CELSR2: variants seen among roughly 807,000 people sequenced by gnomAD.
CELSR2 encodes EGF-like protein 2.
In CELSR2, 81 loss-of-function variants were observed where a neutral mutation model predicts 251.6. That is an observed-to-expected ratio of 0.32 (90% CI 0.27 to 0.39). The LOEUF is 0.39. Among genes scored for constraint, CELSR2 ranks in the 10% least tolerant of loss-of-function variants. The pLI is 1.00. For missense variants in CELSR2, 3,365 were observed against 3,947.7 expected (o/e 0.85, Z 3.96); for synonymous variants, 1,721 against 1,670.5 (o/e 1.03, Z -0.74).
chr1:109,274,438 T>C lies in CELSR2; in HGVS notation c.*389T>C. ...AAGAGGATAGGACCTCCCAGGATGC[T>C]TCCCAGCCTCTCCTCAGTTTCCCAT... On this transcript the variant is annotated 3_prime_UTR_variant, in exon 34 of 34. Transcript: ENST00000271332. 4.1e-6 allele frequency: 1 copy of C among 245,404 alleles called. No homozygotes were observed. The allele number at this position is 245,404 out of a possible 1,614,324, so 15.2% of individuals were successfully genotyped here. A position where few individuals can be genotyped will look rare whatever the true frequency, so the allele number is the denominator to read the frequency against.
chr1:109,272,206 C>T, intron 28 of CELSR2, 72 bp from the exon 29 acceptor site: 3 of 1,505,576 alleles, frequency 2.0e-6, no homozygotes, highest in Non-Finnish European at 2.7e-6. Flanking sequence ...AAGTTCCCTC[C>T]ACCCTCCTTC....
intron 2 of CELSR2, among the ~76,000 whole-genome samples, chr1:109,259,948 C>G (rs1206831492): frequency 6.6e-6 from 1 of 152,114 alleles, no homozygotes; most frequent in Non-Finnish European, 1.5e-5. Flanking sequence ...CTCCCCTTCC[C>G]TGTGGGCCTT....
rs755819249 is a variant in CELSR2 at position 109,252,473 on chromosome 1, C to T, written c.2394C>T (p.Thr798=). The change falls in exon 1 of 34, where the codon ACC becomes ACT. Residue 798 remains threonine (T), a synonymous_variant. Coordinates refer to ENST00000271332, the MANE Select transcript of CELSR2 (RefSeq NM_001408.3). The surrounding 1 kb of genome is among the most constrained non-coding windows in gnomAD (Gnocchi z 4.8). The part of the protein sequence containing the change: ...RDNGIPQKSD[T]TYLEILVNDV... ...ATGGCATTCCCCAGAAGTCCGACAC[C>T]ACCTACCTGGAGATCCTGGTGAACG... The T allele has an allele frequency of 1.9e-6, 3 of 1,613,744 alleles. No homozygotes were observed. Among genetic ancestry groups the T allele is most frequent in the Non-Finnish European group, 2.5e-6 (3 of 1,180,054 alleles).
At chr1:109,260,915 C>T in intron 2 of CELSR2, 127 bp from the exon 3 acceptor site, 1 of 666,034 alleles carries the variant, frequency 1.5e-6, no homozygotes, top group Non-Finnish European at 2.6e-6. Context: ...GTGGGGATGC[C>T]TGGGAGGTTT....
rs1570783324 is a variant in CELSR2, at chr1:109,261,457, T to G, written c.4182-56T>G. 2 of 1,532,474 alleles carry G rather than the reference T, an allele frequency of 1.3e-6. No homozygotes were observed. The highest frequency in any genetic ancestry group is 1.7e-5 in the Admixed American group (1 of 59,882). The allele number at this position is 1,532,474 out of a possible 1,614,324, so 94.9% of individuals were successfully genotyped here. On this transcript the variant is annotated intron_variant, in intron 3 of 33. Transcript: ENST00000271332. This position sits in a 1 kb window ranked among gnomAD's most constrained non-coding sequence, Gnocchi z 4.8. ...CCCTGCGCTGGTTAGGTGGCGGGGG[T>G]GCTGGCATCCAGGTGGGTACCCCAT...
chr1:109,250,195 C>A lies in CELSR2; in HGVS notation c.116C>A (p.Ser39Tyr). The change falls in exon 1 of 34, where the codon TCC becomes TAC. Residue 39 changes from serine (S) to tyrosine (Y), a missense_variant. Physicochemically the swap from Ser to Tyr is moderately radical, Grantham distance 144. Transcript: ENST00000271332. This position sits in a 1 kb window ranked among gnomAD's most constrained non-coding sequence, Gnocchi z 4.4. ...GGAGACCAAGTGGGGCCCTGTCGTT[C>A]CTTGGGGTCCAGGGGACGAGGCTCT... is the stretch of plus-strand genomic sequence containing the variant. ...LLGDQVGPCR[S>Y]LGSRGRGSSG... The A allele has an allele frequency of 6.3e-7, 1 of 1,599,958 alleles. No homozygotes were observed. Among genetic ancestry groups the A allele is most frequent in the Non-Finnish European group, 8.5e-7 (1 of 1,174,878 alleles).
chr1:109,261,824 G>A lies in CELSR2; in HGVS notation c.4314G>A (p.Thr1438=), dbSNP rs747064393. Residue 1438 remains threonine (T), a synonymous_variant, in exon 5 of 34, where the codon ACG becomes ACA. Coordinates refer to ENST00000271332, the MANE Select transcript of CELSR2 (RefSeq NM_001408.3). This position sits in a 1 kb window ranked among gnomAD's most constrained non-coding sequence, Gnocchi z 4.8. ...TTTCCCCAGGGGAGTCAACCACCAC[G>A]GTGTCCCCATTCGTGCCCGGAGGAG... ...LTFSAGESTT[T]VSPFVPGGVS... is the part of the protein sequence containing the mutation. The A allele has an allele frequency of 2.9e-5, 47 of 1,593,918 alleles. No individual in the cohort carries two copies. Among genetic ancestry groups the A allele is most frequent in the Non-Finnish European group, 3.8e-5 (44 of 1,168,794 alleles).
rs1471087570 is a variant in CELSR2, at chr1:109,275,255, TG to T, written c.*1208del. ...CGTGTCCAGTCCCGGGGGTCTGATA[TG>T]GCCATCACAGGCTGGGTGTTCCCAG... On this transcript the variant is annotated 3_prime_UTR_variant, in exon 34 of 34. Transcript: ENST00000271332. 3.9e-5 allele frequency: 6 copies of T among 152,284 alleles called. No homozygotes were observed. Among genetic ancestry groups the T allele is most frequent in the African/African-American group, 1.4e-4 (6 of 41,460 alleles). 9.4% of individuals were successfully genotyped at this position (152,284 alleles called of 1,614,324 possible). A position where few individuals can be genotyped will look rare whatever the true frequency, so the allele number is the denominator to read the frequency against.
rs761199373 is a variant in CELSR2 at position 109,250,616 on chromosome 1, C to A, written c.537C>A (p.Pro179=). The change falls in exon 1 of 34, where the codon CCC becomes CCA. Residue 179 remains proline, a synonymous_variant. Transcript: ENST00000271332. The surrounding 1 kb of genome is among the most constrained non-coding windows in gnomAD (Gnocchi z 4.4). The part of the protein sequence containing the change: ...GRRKRNVNTA[P]QFQPPSYQAT... ...GGAAAAGGAATGTAAATACAGCCCC[C>A]CAGTTCCAGCCCCCCAGCTACCAGG... 1.2e-6 allele frequency: 2 copies of A among 1,614,028 alleles called. No individual in the cohort carries two copies. Among genetic ancestry groups the A allele is most frequent in the Non-Finnish European group, 1.7e-6 (2 of 1,180,000 alleles).
At position 109,272,422 on chromosome 1, in the gene CELSR2, G is replaced by A; in HGVS notation, c.8054+17G>A. On this transcript the variant is annotated intron_variant, in intron 29 of 33. Transcript: ENST00000271332. ...CTTGCTGAGGTGAATCCCGGAGATGGGAGGGTGGAGGAGGGGAGGAGGGGC... is the reference window on the plus strand; with the variant it reads ...CTTGCTGAGGTGAATCCCGGAGATGAGAGGGTGGAGGAGGGGAGGAGGGGC... 2 of 1,596,460 alleles carry A rather than the reference G, an allele frequency of 1.3e-6. No individual in the cohort carries two copies. The highest frequency in any genetic ancestry group is 1.7e-6 in the Non-Finnish European group (2 of 1,168,816).
chr1:109,254,011 G>T (rs1329796470), intron 1 of CELSR2, among the ~76,000 whole-genome samples: 2 of 152,218 alleles, frequency 1.3e-5, no homozygotes, highest in African/African-American at 2.4e-5. Context: ...CCCCTTCAGA[G>T]CTCCCACAGG....
In CELSR2 at chr1:109,258,845, C is replaced by T. The variant is rs761377414; in HGVS notation, c.3724C>T (p.Arg1242Cys). 4.3e-6 allele frequency: 7 copies of T among 1,612,132 alleles called. No individual in the cohort carries two copies. The highest frequency in any genetic ancestry group is 3.3e-5 in the Admixed American group (2 of 59,810). ...CLREPCENYM[R>C]CVSVLRFDSS... is the part of the protein sequence containing the mutation. ...GCGGGAGCCCTGCGAGAACTACATG[C>T]GCTGCGTGTCGGTGCTGCGCTTCGA... The change falls in exon 2 of 34, where the codon CGC becomes TGC. Residue 1242 changes from arginine (R) to cysteine (C), a missense_variant. This residue lies in a region of CELSR2 where 2,093 missense variants were observed against 2,382.8 expected (regional missense o/e 0.88). Coordinates refer to ENST00000271332, the MANE Select transcript of CELSR2 (RefSeq NM_001408.3).
intron 5 of CELSR2, among the ~76,000 whole-genome samples, 190 bp downstream of exon 5, chr1:109,262,086 G>T (rs531370112): frequency 2.4e-4 from 37 of 152,350 alleles, no homozygotes; most frequent in African/African-American, 8.9e-4. Flanking sequence ...GATGCTCTCT[G>T]TTCCACTAGG....
rs752581225 is a variant in CELSR2 at position 109,264,213 on chromosome 1, G to A, written c.5137G>A (p.Gly1713Ser). ...GGCACTGGGAGCCAGCGGGGGGCCC[G>A]GCCATGCCATTCTGTCCTTCGATTA... ...QLALGASGGP[G>S]HAILSFDYGQ... Residue 1713 changes from glycine to serine, a missense_variant, in exon 10 of 34, where the codon GGC (glycine) becomes AGC (serine). Physicochemically the swap from Gly to Ser is moderately conservative, Grantham distance 56 (BLOSUM62 0). Coordinates refer to ENST00000271332, the MANE Select transcript of CELSR2 (RefSeq NM_001408.3). 9.9e-6 allele frequency: 16 copies of A among 1,613,488 alleles called. No individual in the cohort carries two copies. The South Asian group carries it at 1.1e-4, about 11-fold the overall frequency.
rs766210233 is a variant in CELSR2, at chr1:109,271,187, G to A, written c.7597-30G>A. ...TGGGTGGAAGCTGTTTGTCCCCACT[G>A]AGCACCCCATGCCCTCTGCCCCTGC... On this transcript the variant is annotated intron_variant, in intron 25 of 33. Transcript: ENST00000271332. 3 of 1,607,492 alleles carry A rather than the reference G, an allele frequency of 1.9e-6. No individual in the cohort carries two copies. The South Asian group carries it at 3.3e-5, about 18-fold the overall frequency.
chr1:109,275,449 A>G lies in CELSR2; in HGVS notation c.*1400A>G, dbSNP rs1320048710. ...GACTTTCCTTCTGGAGCAGGTGGCT[A>G]GAAAAAGAGGCTGTGGGCAGGAAAG... On this transcript the variant is annotated 3_prime_UTR_variant, in exon 34 of 34. Transcript: ENST00000271332. 6.6e-6 allele frequency: 1 copy of G among 152,270 alleles called. No individual in the cohort carries two copies. Among genetic ancestry groups the G allele is most frequent in the Non-Finnish European group, 1.5e-5 (1 of 68,054 alleles). 9.4% of individuals were successfully genotyped at this position (152,270 alleles called of 1,614,324 possible).
chr1:109,254,156 A>G (rs886308538), intron 1 of CELSR2, among the ~76,000 whole-genome samples: 3 of 152,192 alleles, frequency 2.0e-5, no homozygotes, highest in Non-Finnish European at 4.4e-5. Flanking sequence ...TTGCCACCTC[A>G]TGGGCTGTTC....
At position 109,274,361 on chromosome 1, in the gene CELSR2, C is replaced by T. The variant is rs1656469052; in HGVS notation, c.*312C>T. 2 of 484,458 alleles carry T rather than the reference C, an allele frequency of 4.1e-6. No individual in the cohort carries two copies. The highest frequency in any genetic ancestry group is 3.5e-5 in the East Asian group (1 of 28,454). The allele number at this position is 484,458 out of a possible 1,614,324, so 30.0% of individuals were successfully genotyped here. A position where few individuals can be genotyped will look rare whatever the true frequency, so the allele number is the denominator to read the frequency against. On this transcript the variant is annotated 3_prime_UTR_variant, in exon 34 of 34. Transcript: ENST00000271332. The stretch of plus-strand genomic sequence containing the variant: ...AAAGGATCTCCACTCTTCATGACTT[C>T]AGGGATTCATTTTTTTTATACGCTG...
At position 109,250,193 on chromosome 1, in the gene CELSR2, T is replaced by C; in HGVS notation, c.114T>C (p.Arg38=). ...TGGGAGACCAAGTGGGGCCCTGTCG[T>C]TCCTTGGGGTCCAGGGGACGAGGCT... is the stretch of plus-strand genomic sequence containing the variant. ...PLLGDQVGPC[R]SLGSRGRGSS... Residue 38 remains arginine (R), a synonymous_variant, in exon 1 of 34, where the codon CGT becomes CGC. Coordinates refer to ENST00000271332, the MANE Select transcript of CELSR2 (RefSeq NM_001408.3). The surrounding 1 kb of genome is among the most constrained non-coding windows in gnomAD (Gnocchi z 4.4). 6.3e-7 allele frequency: 1 copy of C among 1,599,622 alleles called. No homozygotes were observed. Among genetic ancestry groups the C allele is most frequent in the Non-Finnish European group, 8.5e-7 (1 of 1,174,774 alleles).
Sources: gnomAD v4.1 joint callset for allele counts (sites outside exome capture counted in the v4.1 genomes callset) on GRCh38, gnomAD v4.1.1 for gene constraint, gnomAD v4.1.1 regional missense constraint, Gnocchi (gnomAD v3.1) non-coding constraint, MANE v1.5 for transcripts, NCBI Gene and HGNC (gene_info 2026-07-23, HGNC 2026-07-21) for gene names.